Variants in RPE observed in about 807,000 individuals in gnomAD.
RPE encodes the protein ribulose-phosphate 3-epimerase.
Under a neutral mutation model 24.6 loss-of-function variants are expected in RPE, and 16 were observed. That is an observed-to-expected ratio of 0.65 (90% confidence interval 0.44 to 0.99). The LOEUF is 0.99. Ranked by LOEUF, RPE falls within the 50% of genes least tolerant of loss-of-function variation. The pLI is 0.00. For missense variants in RPE, 240 were observed against 294.5 expected, an observed-to-expected ratio of 0.81 and a Z score of 1.35; for synonymous variants, 93 against 98.4, an observed-to-expected ratio of 0.94 and a Z score of 0.33.
intron 2 of RPE, among the ~76,000 whole-genome samples, chr2:210,014,380 C>T (rs1029193367): frequency 1.1e-4 from 17 of 152,266 alleles, no homozygotes; most frequent in Admixed American, 4.6e-4. Context: ...TGAGCCACCG[C>T]GCCCGGCCTG....
At position 210,020,841 on chromosome 2, in the gene RPE, A is replaced by C. The variant is rs776531360; in HGVS notation, c.*1050A>C. 6.5e-6 allele frequency: 1 copy of C among 153,356 alleles called. No individual in the cohort carries two copies. The highest frequency in any genetic ancestry group is 1.5e-5 in the Non-Finnish European group (1 of 67,998). 9.5% of individuals were successfully genotyped at this position (153,356 alleles called of 1,614,324 possible). Reference sequence around the variant, plus strand: ...TAAAAAATGAAGAAATTAATGCTTAATAGGGTGGTACCCTGGAAAGGATCT... The same window carrying C: ...TAAAAAATGAAGAAATTAATGCTTACTAGGGTGGTACCCTGGAAAGGATCT... On this transcript the variant is annotated 3_prime_UTR_variant, in exon 6 of 6. Transcript: ENST00000359429.
At chr2:210,002,902 G>T (rs1385102153) in intron 1 of RPE, 119 bp downstream of exon 1, 23 of 1,570,830 alleles carry the variant, frequency 1.5e-5, no homozygotes, top group Non-Finnish European at 1.7e-5. Context: ...CTCTGAACGC[G>T]ATGCTAGAAG....
chr2:210,018,661 C>T, intron 5 of RPE: 2 of 985,262 alleles, frequency 2.0e-6, no homozygotes, highest in Non-Finnish European at 2.4e-6. Context: ...TGTGGAATTG[C>T]TTTGTACTAA....
At chr2:210,013,345 T>G (rs959431976) in intron 2 of RPE, among the ~76,000 whole-genome samples, 2 of 151,002 alleles carry the variant, frequency 1.3e-5, no homozygotes, top group African/African-American at 4.9e-5. Flanking sequence ...AGTCTTGCTC[T>G]GTCACCCAGG....
chr2:210,004,233 G>A (rs1281188724), intron 1 of RPE, among the ~76,000 whole-genome samples: 1 of 152,194 alleles, frequency 6.6e-6, no homozygotes, highest in African/African-American at 2.4e-5. Flanking sequence ...AACTATGTTT[G>A]AGTAAGTTAA....
At chr2:210,006,084 A>G (rs2093627034) in intron 1 of RPE, among the ~76,000 whole-genome samples, 1 of 152,202 alleles carries the variant, frequency 6.6e-6, no homozygotes, top group Non-Finnish European at 1.5e-5. Context: ...ATTTTATTTT[A>G]TTTCTTTCAC....
chr2:210,008,594 C>T (rs973661308), intron 1 of RPE, among the ~76,000 whole-genome samples: 4 of 16,960 alleles, frequency 2.4e-4, no homozygotes, highest in South Asian at 0.026. Flanking sequence ...TGCCCGGCCC[C>T]GGTTTTGTTA....
intron 2 of RPE, among the ~76,000 whole-genome samples, chr2:210,010,730 C>T (rs2093688638): frequency 6.6e-6 from 1 of 152,054 alleles, no homozygotes; most frequent in Admixed American, 6.5e-5. Flanking sequence ...CCAGAATGGC[C>T]AACATGGTGA....
rs779066906 is a variant in RPE at position 210,002,739 on chromosome 2, G to C, written c.78G>C (p.Met26Ile). The C allele has an allele frequency of 6.8e-6, 11 of 1,614,230 alleles. No homozygotes were observed. Residue 26 changes from methionine (M) to isoleucine (I), a missense_variant, in exon 1 of 6, where the codon ATG (methionine) becomes ATC (isoleucine). By Grantham distance (10) the Met-to-Ile change is conservative. Coordinates refer to ENST00000359429, the MANE Select transcript of RPE (RefSeq NM_199229.3). ...LANLGAECLRMLDSGADYLHL... is the reference protein window; with the variant it reads ...LANLGAECLRILDSGADYLHL... Reference sequence around the variant, plus strand: ...ATTTAGGGGCCGAGTGCCTCCGGATGCTAGACTCTGGGGCCGATTATCTGC... The same window carrying C: ...ATTTAGGGGCCGAGTGCCTCCGGATCCTAGACTCTGGGGCCGATTATCTGC...
intron 2 of RPE, 93 bp from the exon 3 acceptor site, chr2:210,015,880 T>C (rs2093764139): frequency 1.5e-6 from 2 of 1,343,828 alleles, no homozygotes; most frequent in Non-Finnish European, 2.1e-6. Context: ...AAAGAGTTCT[T>C]ATCAGAAGTG....
chr2:210,004,591 T>C (rs186445606), intron 1 of RPE, among the ~76,000 whole-genome samples: 1 of 152,192 alleles, frequency 6.6e-6, no homozygotes, highest in Admixed American at 6.5e-5. Flanking sequence ...AACTAATAAT[T>C]TGTGTATTTA....
At chr2:210,007,285 T>G (rs954872236) in intron 1 of RPE, among the ~76,000 whole-genome samples, 1 of 152,200 alleles carries the variant, frequency 6.6e-6, no homozygotes, top group Non-Finnish European at 1.5e-5. Flanking sequence ...ACCTTAAACA[T>G]AGTTTGTATT....
At chr2:210,016,824 A>C (rs980279058) in intron 4 of RPE, among the ~76,000 whole-genome samples, 183 bp downstream of exon 4, 5 of 152,158 alleles carry the variant, frequency 3.3e-5, no homozygotes, top group Admixed American at 1.3e-4. Context: ...GAAATCAGAG[A>C]AGTATTACAT....
chr2:210,015,315 C>T (rs554122018), intron 2 of RPE, among the ~76,000 whole-genome samples: 3 of 152,190 alleles, frequency 2.0e-5, no homozygotes, highest in Non-Finnish European at 4.4e-5. Flanking sequence ...TCGATAGTAT[C>T]TTGTCACTTC....
intron 5 of RPE, among the ~76,000 whole-genome samples, chr2:210,019,363 G>C (rs1360480068): frequency 6.6e-6 from 1 of 152,130 alleles, no homozygotes; most frequent in Non-Finnish European, 1.5e-5. Context: ...TAGTGGACTT[G>C]AGGAGTAAAG....
intron 1 of RPE, 162 bp from the exon 2 acceptor site, chr2:210,009,495 C>A: frequency 1.1e-6 from 1 of 927,134 alleles, no homozygotes; most frequent in South Asian, 1.7e-5. Context: ...CTAGTAAAAC[C>A]AAAATGACCC....
chr2:210,002,805 C>A, intron 1 of RPE, 22 bp downstream of exon 1: 1 of 1,614,084 alleles, frequency 6.2e-7, no homozygotes, highest in South Asian at 1.1e-5. Flanking sequence ...GGGCTCCGGT[C>A]GGGCTTGCCG....
In RPE at chr2:210,017,730, ATGC is replaced by A. The variant is rs1157516301; in HGVS notation, c.564+173_564+175del. The A allele has an allele frequency of 6.8e-3, 2,542 of 373,232 alleles. 14 individuals are homozygous for A. The highest frequency in any genetic ancestry group is 0.014 in the East Asian group (235 of 16,466). 23.1% of individuals were successfully genotyped at this position (373,232 alleles called of 1,614,324 possible). A position where few individuals can be genotyped will look rare whatever the true frequency, so the allele number is the denominator to read the frequency against. The stretch of plus-strand genomic sequence containing the variant: ...GGAAAATAAACAGCCATAAGTGGAT[ATGC>A]TTTTTTTTTTTTTTTTTTTTTTTCT... On this transcript the variant is annotated intron_variant, in intron 5 of 5. Coordinates refer to ENST00000359429, the MANE Select transcript of RPE (RefSeq NM_199229.3).
intron 1 of RPE, among the ~76,000 whole-genome samples, chr2:210,004,070 A>G (rs1477426370): frequency 2.6e-5 from 4 of 152,196 alleles, no homozygotes; most frequent in African/African-American, 7.2e-5. Flanking sequence ...CTTTGCTTGA[A>G]AGCCCTAAAC....
Sources: allele counts gnomAD v4.1 joint callset (sites outside exome capture counted in the v4.1 genomes callset), GRCh38; gene constraint gnomAD v4.1.1; transcripts MANE v1.5; gene names NCBI Gene and HGNC (gene_info 2026-07-23, HGNC 2026-07-21).